Variants in KDM6A observed in about 807,000 individuals in gnomAD.
KDM6A encodes the protein lysine-specific demethylase 6A.
Under a neutral mutation model 117.6 loss-of-function variants are expected in KDM6A, and 11 were observed. That is an observed-to-expected ratio of 0.09 (90% CI 0.06 to 0.15). The LOEUF (loss-of-function observed/expected upper bound fraction) is 0.15, where lower values mean the gene tolerates loss of function less well. KDM6A is among the 10% of genes least tolerant of loss of function. The pLI, the probability that KDM6A is intolerant of heterozygous loss-of-function variation, is 1.00. For missense variants in KDM6A, 799 were observed against 1,077.3 expected (o/e 0.74, Z 3.62); for synonymous variants, 384 against 396.1 (o/e 0.97, Z 0.36).
chrX:44,877,463 C>G (rs188706953), intron 2 of KDM6A, among the ~76,000 whole-genome samples: 25 of 108,919 alleles, frequency 2.3e-4, no homozygotes, highest in Non-Finnish European at 3.4e-4. Flanking sequence ...GTGGAGTTAT[C>G]GAAAACTAAG....
At chrX:44,993,082 CT>C (rs2040699423) in intron 4 of KDM6A, among the ~76,000 whole-genome samples, 2 of 111,652 alleles carry the variant, frequency 1.8e-5, no homozygotes, top group Admixed American at 1.9e-4. Flanking sequence ...TCATTGTCAG[CT>C]TCTGGTAAGG....
At chrX:45,080,956 G>C (rs2045369873) in intron 21 of KDM6A, among the ~76,000 whole-genome samples, 1 of 111,982 alleles carries the variant, frequency 8.9e-6, no homozygotes, top group South Asian at 3.7e-4. Context: ...TTTTGAGACG[G>C]AGTTTCGCTC....
chrX:44,979,678 C>G (rs2039790366), intron 4 of KDM6A, among the ~76,000 whole-genome samples: 1 of 110,650 alleles, frequency 9.0e-6, no homozygotes, highest in Admixed American at 9.7e-5. Context: ...AATATTTCCT[C>G]ACCTTTTAAA....
At chrX:44,875,473 T>C (rs886327593) in intron 2 of KDM6A, among the ~76,000 whole-genome samples, 1 of 111,500 alleles carries the variant, frequency 9.0e-6, no homozygotes. Context: ...AGGTATTAAT[T>C]GGCTTCATTA....
chrX:45,011,681 T>A (rs779590128), intron 5 of KDM6A, among the ~76,000 whole-genome samples: 2 of 112,235 alleles, frequency 1.8e-5, no homozygotes, highest in Non-Finnish European at 3.8e-5. Context: ...GTTGAAAGAT[T>A]GGTATTGTTG....
rs1036428587 is a variant in KDM6A at position 44,989,586 on chromosome X, A to C, written c.384+14871A>C. ...TTCTATGAGGAGGAAACACGTAAAC[A>C]TAATTAGTTTTTGGTAAGTAATACA... On this transcript the variant is annotated intron_variant, in intron 4 of 29. Transcript: ENST00000611820. 2.7e-5 allele frequency among the ~76,000 whole-genome samples: 3 copies of C among 111,792 alleles called. No individual in the cohort carries two copies. In the Admixed American group the frequency reaches 2.8e-4, roughly 11 times the overall value.
chrX:44,997,027 G>T (rs1273150087), intron 4 of KDM6A, among the ~76,000 whole-genome samples: 1 of 111,574 alleles, frequency 9.0e-6, no homozygotes, highest in African/African-American at 3.3e-5. Context: ...AGACTGGCAG[G>T]CTGTGGGGCT....
At chrX:45,005,773 A>T (rs1407471107) in intron 4 of KDM6A, among the ~76,000 whole-genome samples, 1 of 109,173 alleles carries the variant, frequency 9.2e-6, no homozygotes, top group East Asian at 2.9e-4. Flanking sequence ...GGTAAGTTTC[A>T]AGGTTCAATT....
intron 8 of KDM6A, among the ~76,000 whole-genome samples, chrX:45,047,667 TTTTTTTC>T (rs1186881855): frequency 1.6e-3 from 129 of 79,059 alleles, no homozygotes; most frequent in African/African-American, 8.1e-3. Context: ...CTGCTTGCTT[TTTTTTTC>T]TTTTTTTTTT....
chrX:45,005,266 C>T (rs1465320820), intron 4 of KDM6A, among the ~76,000 whole-genome samples: 3 of 110,191 alleles, frequency 2.7e-5, no homozygotes, highest in Non-Finnish European at 5.7e-5. Context: ...TCTGAGGAGG[C>T]AGTGGCTGTC....
At chrX:45,025,811 A>C (rs778555153) in intron 6 of KDM6A, among the ~76,000 whole-genome samples, 7 of 112,338 alleles carry the variant, frequency 6.2e-5, no homozygotes, top group Non-Finnish European at 1.1e-4. Flanking sequence ...GGTAACCAAA[A>C]AGGGTGCCTT....
rs761623482 is a variant in KDM6A, at chrX:45,111,459, T to C, written c.*48T>C. ...GAGACCTTTTCTGCTATTCAGGAAA[T>C]AACCCAGTTCTGCACCACTGGTTTT... On this transcript the variant is annotated 3_prime_UTR_variant, in exon 30 of 30. Coordinates refer to ENST00000611820, the MANE Select transcript of KDM6A (RefSeq NM_001291415.2). 9.4e-7 allele frequency: 1 copy of C among 1,059,746 alleles called. No homozygotes were observed. The highest frequency in any genetic ancestry group is 1.3e-6 in the Non-Finnish European group (1 of 758,108). The allele number at this position is 1,059,746 out of a possible 1,213,427, so 87.3% of individuals were successfully genotyped here.
intron 2 of KDM6A, among the ~76,000 whole-genome samples, chrX:44,947,906 C>G (rs902436568): frequency 9.0e-6 from 1 of 111,106 alleles, no homozygotes; most frequent in Non-Finnish European, 1.9e-5. Flanking sequence ...CAAATAAGAC[C>G]CCAGAACCCA....
intron 2 of KDM6A, among the ~76,000 whole-genome samples, chrX:44,925,893 A>G (rs1235237928): frequency 8.9e-6 from 1 of 112,046 alleles, no homozygotes; most frequent in Non-Finnish European, 1.9e-5. Context: ...TTTCAGAGTA[A>G]CGAAAATTAA....
intron 2 of KDM6A, among the ~76,000 whole-genome samples, chrX:44,881,157 G>A (rs1234648067): frequency 8.9e-6 from 1 of 112,499 alleles, no homozygotes; most frequent in Non-Finnish European, 1.9e-5. Context: ...AACCTGGGCC[G>A]GGCGCGGTGG....
intron 2 of KDM6A, among the ~76,000 whole-genome samples, chrX:44,874,595 A>AGTT (rs1279265460): frequency 2.7e-5 from 3 of 111,230 alleles, no homozygotes; most frequent in Non-Finnish European, 5.7e-5. Flanking sequence ...GAAATACCGT[A>AGTT]GTTATTTGTA....
At chrX:44,984,801 T>A (rs1359223946) in intron 4 of KDM6A, among the ~76,000 whole-genome samples, 38 of 111,847 alleles carry the variant, frequency 3.4e-4, no homozygotes, top group Admixed American at 6.6e-4. Context: ...ACCATGCTGT[T>A]TTGGTTACTG....
intron 4 of KDM6A, among the ~76,000 whole-genome samples, chrX:44,985,625 G>C (rs905307181): frequency 1.8e-5 from 2 of 111,622 alleles, no homozygotes; most frequent in African/African-American, 6.5e-5. Context: ...ATGAAGTGTT[G>C]TTGAATTTTG....
chrX:44,963,463 G>C (rs867954989), intron 3 of KDM6A, among the ~76,000 whole-genome samples: 2 of 29,639 alleles, frequency 6.7e-5, no homozygotes, highest in African/African-American at 8.3e-5. Flanking sequence ...GTGTGTGTGT[G>C]TGTGTGTGTG....
Sources: allele counts gnomAD v4.1 joint callset (sites outside exome capture counted in the v4.1 genomes callset), GRCh38; gene constraint gnomAD v4.1.1; transcripts MANE v1.5; gene names NCBI Gene and HGNC (gene_info 2026-07-23, HGNC 2026-07-21).